Variants in IGFL2 observed in about 807,000 individuals in gnomAD.
IGFL2 encodes insulin growth factor-like family member 2.
A neutral mutation model predicts 13.9 loss-of-function variants in IGFL2; 7 were observed. The ratio of observed to expected loss-of-function variants is 0.51; its 90% CI spans 0.29 to 0.95. IGFL2 has a LOEUF of 0.95. Ranked by LOEUF, IGFL2 falls within the 40% of genes least tolerant of loss-of-function variation. The pLI is 0.08. For missense variants in IGFL2, 138 were observed against 147.8 expected (o/e 0.93, Z 0.34); for synonymous variants, 55 against 55.8 (o/e 0.99, Z 0.07).
upstream of IGFL2, among the ~76,000 whole-genome samples, chr19:46,148,070 C>T (rs1219524923): frequency 6.6e-6 from 1 of 152,200 alleles, no homozygotes; most frequent in Non-Finnish European, 1.5e-5. Context: ...GTAGCAGTCA[C>T]TTGGAACAGG....
chr19:46,090,397 C>T, the IGFL2 span, among the ~76,000 whole-genome samples: 5 of 152,262 alleles, frequency 3.3e-5, no homozygotes, highest in East Asian at 1.9e-4. Context: ...TTTGTCTCCC[C>T]GCTAATGTCA....
downstream of IGFL2, chr19:46,164,082 CT>C (rs1974281909): frequency 6.6e-6 from 1 of 152,300 alleles, no homozygotes; most frequent in African/African-American, 2.4e-5. Flanking sequence ...CTGTGCTGTG[CT>C]GGGGGTCCAT....
the IGFL2 span, among the ~76,000 whole-genome samples, chr19:46,193,430 GCTTT>G: frequency 1.3e-5 from 2 of 152,048 alleles, no homozygotes; most frequent in African/African-American, 4.8e-5. Context: ...TCTCAAGAGG[GCTTT>G]CTTTATCGTA....
At chr19:46,099,344 T>C in the IGFL2 span, among the ~76,000 whole-genome samples, 11 of 152,156 alleles carry the variant, frequency 7.2e-5, no homozygotes, top group Non-Finnish European at 1.2e-4. Context: ...ATTTTCTGGA[T>C]TTCCTGAATT....
At chr19:46,088,073 G>T in the IGFL2 span, among the ~76,000 whole-genome samples, 1 of 152,180 alleles carries the variant, frequency 6.6e-6, no homozygotes, top group African/African-American at 2.4e-5. Flanking sequence ...GGACCACTGG[G>T]GGTCTCTCAC....
the IGFL2 span, among the ~76,000 whole-genome samples, chr19:46,116,484 T>C: frequency 2.6e-5 from 4 of 152,244 alleles, no homozygotes; most frequent in Admixed American, 6.5e-5. Context: ...ATATATTGAA[T>C]CTTTCCAAAG....
At chr19:46,152,623 T>C (rs986322808) in intron 1 of IGFL2, among the ~76,000 whole-genome samples, 4 of 152,206 alleles carry the variant, frequency 2.6e-5, no homozygotes, top group African/African-American at 9.7e-5. Context: ...CATTTGCAAA[T>C]AGAAATCATT....
the IGFL2 span, among the ~76,000 whole-genome samples, chr19:46,118,805 C>A: frequency 6.6e-6 from 1 of 152,192 alleles, no homozygotes; most frequent in African/African-American, 2.4e-5. Flanking sequence ...TTCCCCATAG[C>A]TTCTTGCCCA....
chr19:46,189,417 C>A, the IGFL2 span, among the ~76,000 whole-genome samples: 1 of 152,136 alleles, frequency 6.6e-6, no homozygotes, highest in South Asian at 2.1e-4. Context: ...TGGATAACTG[C>A]GGGCAGGCCT....
chr19:46,117,265 T>C, the IGFL2 span, among the ~76,000 whole-genome samples: 1 of 152,134 alleles, frequency 6.6e-6, no homozygotes, highest in African/African-American at 2.4e-5. Flanking sequence ...GTAGATATTT[T>C]GTAGGTATGA....
chr19:46,154,177 T>C (rs937552475), intron 1 of IGFL2, among the ~76,000 whole-genome samples: 43 of 152,304 alleles, frequency 2.8e-4, no homozygotes, highest in African/African-American at 9.1e-4. Flanking sequence ...TCATTCTTTT[T>C]TTACTATTTT....
chr19:46,176,788 C>G, the IGFL2 span, among the ~76,000 whole-genome samples: 1 of 152,198 alleles, frequency 6.6e-6, no homozygotes, highest in Non-Finnish European at 1.5e-5. Context: ...CACACTCCCC[C>G]CAGCCTGTTG....
At chr19:46,177,331 T>G in the IGFL2 span, among the ~76,000 whole-genome samples, 9 of 152,144 alleles carry the variant, frequency 5.9e-5, no homozygotes, top group Non-Finnish European at 1.3e-4. Flanking sequence ...AGGCAGAGGT[T>G]GTAGTGAGCT....
In IGFL2 at chr19:46,160,676, A is replaced by T. The variant is rs1189506994; in HGVS notation, c.136A>T (p.Asn46Tyr). The change falls in exon 3 of 4, where the codon AAC (asparagine) becomes TAC (tyrosine). Residue 46 changes from asparagine (N) to tyrosine (Y), a missense_variant. Coordinates refer to ENST00000377693, the MANE Select transcript of IGFL2 (RefSeq NM_001135113.2). ...PAPRCGDKIY[N>Y]PLEQCCYNDA... ...ACCCAGGTGTGGAGACAAGATCTAC[A>T]ACCCCTTGGAGCAGTGCTGTTACAA... The T allele has an allele frequency of 6.2e-7, 1 of 1,614,154 alleles. No individual in the cohort carries two copies. Among genetic ancestry groups the T allele is most frequent in the South Asian group, 1.1e-5 (1 of 91,082 alleles).
the IGFL2 span, among the ~76,000 whole-genome samples, chr19:46,088,726 G>A: frequency 6.6e-6 from 1 of 152,172 alleles, no homozygotes; most frequent in African/African-American, 2.4e-5. Flanking sequence ...GTGAGAAGAG[G>A]CGATGAGAAT....
the IGFL2 span, among the ~76,000 whole-genome samples, chr19:46,184,083 T>G: frequency 6.6e-6 from 1 of 152,186 alleles, no homozygotes; most frequent in African/African-American, 2.4e-5. Flanking sequence ...TTTCTCATTA[T>G]TTAATTCTAA....
chr19:46,079,552 C>A, the IGFL2 span, among the ~76,000 whole-genome samples: 30 of 152,256 alleles, frequency 2.0e-4, no homozygotes, highest in African/African-American at 5.5e-4. Flanking sequence ...TGGCCATGAT[C>A]CCCCAGCCAG....
rs749068590 is a variant in IGFL2 at position 46,160,739 on chromosome 19, G to A, written c.199G>A (p.Gly67Ser). Residue 67 changes from glycine to serine, a missense_variant, in exon 3 of 4, where the codon GGT becomes AGT. Transcript: ENST00000377693. ...IVSLSETRQC[G>S]PPCTFWPCFE... Reference sequence around the variant, plus strand: ...GTCCCTGAGCGAGACCCGCCAATGTGGTCCCCCCTGCACCTTCTGGCCCTG... The same window carrying A: ...GTCCCTGAGCGAGACCCGCCAATGTAGTCCCCCCTGCACCTTCTGGCCCTG... The A allele has an allele frequency of 6.2e-7, 1 of 1,614,160 alleles. No individual in the cohort carries two copies. The highest frequency in any genetic ancestry group is 8.5e-7 in the Non-Finnish European group (1 of 1,180,016).
At chr19:46,112,345 C>T in the IGFL2 span, among the ~76,000 whole-genome samples, 1 of 152,152 alleles carries the variant, frequency 6.6e-6, no homozygotes, top group Non-Finnish European at 1.5e-5. Context: ...ATAGTGGCCC[C>T]CACCCCATGT....
Sources: gnomAD v4.1 joint callset for allele counts (sites outside exome capture counted in the v4.1 genomes callset) on GRCh38, gnomAD v4.1.1 for gene constraint, MANE v1.5 for transcripts, NCBI Gene and HGNC (gene_info 2026-07-23, HGNC 2026-07-21) for gene names.